Variants in GXYLT2 observed in about 807,000 individuals in gnomAD.
GXYLT2 encodes glycosyltransferase 8 domain containing 4.
In GXYLT2, 53 loss-of-function variants were observed where a neutral mutation model predicts 45.8. That is an observed-to-expected ratio of 1.16 (90% CI 0.93 to 1.46). The LOEUF is 1.46. Among genes scored for constraint, GXYLT2 ranks in the 40% most tolerant of loss-of-function variants. The pLI, the probability that GXYLT2 is intolerant of heterozygous loss-of-function variation, is 0.00. For missense variants in GXYLT2, 551 were observed against 544.4 expected (o/e 1.01, Z -0.12); for synonymous variants, 219 against 214.2 (o/e 1.02, Z -0.19).
At chr3:72,936,462 A>G (rs1710181309) in intron 3 of GXYLT2, among the ~76,000 whole-genome samples, 2 of 152,056 alleles carry the variant, frequency 1.3e-5, no homozygotes, top group South Asian at 4.1e-4. Context: ...CAACATGGTG[A>G]AACTCTGTCT....
At chr3:72,899,616 G>A (rs1001114698) in intron 1 of GXYLT2, among the ~76,000 whole-genome samples, 3 of 152,010 alleles carry the variant, frequency 2.0e-5, no homozygotes, top group African/African-American at 7.3e-5. Context: ...GGTTTGCAGG[G>A]AACTTTAGTA....
intron 3 of GXYLT2, chr3:72,929,017 C>A: frequency 7.2e-7 from 1 of 1,382,166 alleles, no homozygotes; most frequent in Non-Finnish European, 1.0e-6. Context: ...CGCGCAGCCA[C>A]CGCCGCCTCT....
chr3:72,931,686 A>G (rs1710040564), intron 3 of GXYLT2, among the ~76,000 whole-genome samples: 1 of 152,056 alleles, frequency 6.6e-6, no homozygotes, highest in East Asian at 1.9e-4. Context: ...CAAATGAGGA[A>G]AGGCCTCAAG....
At chr3:72,969,575 G>A (rs139353127) in intron 6 of GXYLT2, among the ~76,000 whole-genome samples, 5 of 152,154 alleles carry the variant, frequency 3.3e-5, no homozygotes, top group Admixed American at 6.6e-5. Context: ...GGCCTCAAGT[G>A]ATCTTTCCAT....
intron 1 of GXYLT2, among the ~76,000 whole-genome samples, chr3:72,907,342 A>C (rs537608941): frequency 6.6e-6 from 1 of 152,228 alleles, no homozygotes; most frequent in Non-Finnish European, 1.5e-5. Flanking sequence ...CAAGACTGCC[A>C]TTATTCAACC....
chr3:72,909,062 C>CTTTTTTTTTTTT (rs71126804), intron 2 of GXYLT2, among the ~76,000 whole-genome samples: 1 of 91,120 alleles, frequency 1.1e-5, no homozygotes, highest in African/African-American at 4.3e-5. Context: ...TTCTTCCTTT[C>CTTTTTTTTTTTT]TTTTTTTTTT....
rs1022945650 is a variant in GXYLT2 at position 72,936,935 on chromosome 3, T to C, written c.600+14600T>C. Among the ~76,000 whole-genome samples the C allele has an allele frequency of 2.0e-5, 3 of 152,204 alleles. No individual in the cohort carries two copies. In the South Asian group the frequency reaches 6.2e-4, roughly 31 times the overall value. On this transcript the variant is annotated intron_variant, in intron 3 of 6. Transcript: ENST00000389617. The stretch of plus-strand genomic sequence containing the variant: ...GGGTAGGAAGTTAATAGATAAGGTA[T>C]ATTATTTAGACACACAGAGGTATAT...
chr3:72,940,040 C>T (rs1710272231), intron 3 of GXYLT2, among the ~76,000 whole-genome samples: 1 of 152,126 alleles, frequency 6.6e-6, no homozygotes, highest in South Asian at 2.1e-4. Flanking sequence ...CACCTTTAAT[C>T]CCAGCTACCT....
rs371772204 is a variant in GXYLT2 at position 72,975,127 on chromosome 3, A to G, written c.1300A>G (p.Ile434Val). ...GAAAAGGGCTTATGAGAAACACGTC[A>G]TCATCCATGTTGGCCCCAACCAGAT... The part of the protein sequence containing the change: ...TMKRAYEKHV[I>V]IHVGPNQMH Residue 434 changes from isoleucine (I) to valine (V), a missense_variant, in exon 7 of 7, where the codon ATC (isoleucine) becomes GTC (valine). Transcript: ENST00000389617. 6.2e-7 allele frequency: 1 copy of G among 1,613,742 alleles called. No individual in the cohort carries two copies. Among genetic ancestry groups the G allele is most frequent in the Non-Finnish European group, 8.5e-7 (1 of 1,179,770 alleles).
intron 3 of GXYLT2, among the ~76,000 whole-genome samples, chr3:72,925,071 T>C (rs1575792864): frequency 6.6e-6 from 1 of 152,134 alleles, no homozygotes; most frequent in Non-Finnish European, 1.5e-5. Flanking sequence ...CAGAGACCTG[T>C]GAGCAGAATA....
intron 3 of GXYLT2, among the ~76,000 whole-genome samples, chr3:72,948,807 A>G (rs2107134143): frequency 6.7e-6 from 1 of 148,488 alleles, no homozygotes. Context: ...ACTGCACTCC[A>G]GCCTGGTGAC....
Position 72,936,846 on chromosome 3 carries a change from G to A in GXYLT2, c.600+14511G>A, listed in dbSNP as rs185935555. Among the ~76,000 whole-genome samples the A allele has an allele frequency of 1.7e-3, 262 of 152,300 alleles. 3 individuals are homozygous for A. Among genetic ancestry groups the A allele is most frequent in the Non-Finnish European group, 3.1e-4 (21 of 68,026 alleles). Reference sequence around the variant, plus strand: ...ATATTTTGATACAATTGTATTGGGGGATGGGAAGGTATATGTGTGGGGTTG... The same window carrying A: ...ATATTTTGATACAATTGTATTGGGGAATGGGAAGGTATATGTGTGGGGTTG... On this transcript the variant is annotated intron_variant, in intron 3 of 6. Transcript: ENST00000389617.
intron 1 of GXYLT2, among the ~76,000 whole-genome samples, chr3:72,907,063 T>C (rs1709525596): frequency 6.6e-6 from 1 of 152,034 alleles, no homozygotes; most frequent in African/African-American, 2.4e-5. Flanking sequence ...GTCTCAGTGA[T>C]CCAAGGGAAG....
intron 1 of GXYLT2, among the ~76,000 whole-genome samples, chr3:72,892,599 A>G (rs373131366): frequency 6.6e-6 from 1 of 152,222 alleles, no homozygotes; most frequent in African/African-American, 2.4e-5. Flanking sequence ...AGCTGCTCCA[A>G]TGAAAGGAAG....
At chr3:72,974,594 C>G (rs950499492) in intron 6 of GXYLT2, among the ~76,000 whole-genome samples, 10 of 152,170 alleles carry the variant, frequency 6.6e-5, no homozygotes, top group Non-Finnish European at 1.2e-4. Context: ...CTTAAGGACC[C>G]AAATTTTTTT....
intron 1 of GXYLT2, among the ~76,000 whole-genome samples, chr3:72,905,002 T>G (rs1425110323): frequency 7.1e-6 from 1 of 140,582 alleles, no homozygotes; most frequent in Non-Finnish European, 1.5e-5. Context: ...TGAGCTGAGG[T>G]TGCAGTGAGC....
intron 2 of GXYLT2, among the ~76,000 whole-genome samples, chr3:72,909,413 A>G (rs1351217605): frequency 6.6e-6 from 1 of 151,876 alleles, no homozygotes; most frequent in African/African-American, 2.4e-5. Context: ...ATGTTTGTAC[A>G]TATAGACATG....
At chr3:72,903,830 C>T (rs1220077446) in intron 1 of GXYLT2, among the ~76,000 whole-genome samples, 4 of 152,196 alleles carry the variant, frequency 2.6e-5, no homozygotes, top group South Asian at 2.1e-4. Context: ...TTAGGACCTT[C>T]GTTACGACTC....
At chr3:72,941,938 G>C (rs1710309562) in intron 3 of GXYLT2, among the ~76,000 whole-genome samples, 1 of 152,120 alleles carries the variant, frequency 6.6e-6, no homozygotes, top group Non-Finnish European at 1.5e-5. Flanking sequence ...CCTAGATATT[G>C]GTTTCTGAAT....
Sources: allele counts gnomAD v4.1 joint callset (sites outside exome capture counted in the v4.1 genomes callset), GRCh38; gene constraint gnomAD v4.1.1; transcripts MANE v1.5; gene names NCBI Gene and HGNC (gene_info 2026-07-23, HGNC 2026-07-21).